ARHGEF11: variants seen among roughly 807,000 people sequenced by gnomAD.
ARHGEF11 encodes Rho guanine exchange factor (GEF) 11.
ARHGEF11 carries 55 observed loss-of-function variants against 193.7 expected under a neutral mutation model. The observed-to-expected ratio is 0.28, with a 90% confidence interval of 0.23 to 0.36. ARHGEF11 has a LOEUF of 0.36. Among genes scored for constraint, ARHGEF11 ranks in the 10% least tolerant of loss-of-function variants. The pLI is 1.00. For synonymous variants in ARHGEF11, 693 were observed against 768.0 expected (o/e 0.90, Z 1.62); for missense variants, 1,723 against 2,005.6 (o/e 0.86, Z 2.69).
intron 10 of ARHGEF11, 147 bp from the exon 11 acceptor site, chr1:156,968,271 CCCTTCATT>C: frequency 1.2e-6 from 1 of 832,046 alleles, no homozygotes; most frequent in Non-Finnish European, 1.8e-6. Context: ...TTATACTAAG[CCCTTCATT>C]ACACATTATC....
intron 1 of ARHGEF11, among the ~76,000 whole-genome samples, chr1:156,999,719 A>G (rs1666976208): frequency 6.6e-6 from 1 of 152,206 alleles, no homozygotes; most frequent in Admixed American, 6.5e-5. Context: ...AGCAGAACCT[A>G]GAACCTACAA....
At position 156,963,289 on chromosome 1, in the gene ARHGEF11, G is replaced by T; in HGVS notation, c.1054C>A (p.Gln352Lys). The T allele has an allele frequency of 6.2e-7, 1 of 1,614,080 alleles. No homozygotes were observed. The highest frequency in any genetic ancestry group is 8.5e-7 in the Non-Finnish European group (1 of 1,179,988). Reference sequence around the variant, plus strand: ...CGAGACTTCAGTTTCTCCAGATCCTGGAATATGATGTCGCTCTGGAAGGCA... The same window carrying T: ...CGAGACTTCAGTTTCTCCAGATCCTTGAATATGATGTCGCTCTGGAAGGCA... ...YFNNESDIIF[Q>K]DLEKLKSRPA... Residue 352 changes from glutamine (Q) to lysine (K), a missense_variant, in exon 13 of 41, where the codon CAG (glutamine) becomes AAG (lysine). Physicochemically the swap from Gln to Lys is moderately conservative, Grantham distance 53. Transcript: ENST00000368194.
At position 156,942,752 on chromosome 1, in the gene ARHGEF11, G is replaced by A. The variant is rs758117629; in HGVS notation, c.3264C>T (p.Thr1088=). 1.2e-6 allele frequency: 2 copies of A among 1,614,164 alleles called. No homozygotes were observed. Among genetic ancestry groups the A allele is most frequent in the South Asian group, 1.1e-5 (1 of 91,084 alleles). The change falls in exon 33 of 41, where the codon ACC becomes ACT. Residue 1088 remains threonine (T), a synonymous_variant. Transcript: ENST00000368194. ...TDKRAFFIIC[T]SKLGPPQIYE... is the part of the protein sequence containing the mutation. ...AGATCTGGGGTGGGCCCAGCTTGGA[G>A]GTGCAGATGATGAAGAAGGCCCGTT...
rs376903953 is a variant in ARHGEF11 at position 157,044,286 on chromosome 1, T to C, written c.32+13A>G. The C allele has an allele frequency of 6.2e-7, 1 of 1,612,898 alleles. No homozygotes were observed. The highest frequency in any genetic ancestry group is 8.5e-7 in the Non-Finnish European group (1 of 1,179,262). ...TAGTCAATGTTGAAAAATCAAATTA[T>C]TAGCAAACCTACCTGTCTATACTCT... On this transcript the variant is annotated intron_variant, in intron 1 of 40. Transcript: ENST00000368194.
chr1:156,936,315 G>T, intron 40 of ARHGEF11: 1 of 645,906 alleles, frequency 1.5e-6, no homozygotes. Flanking sequence ...GGCCCACCCA[G>T]TGTGGTTCTG....
intron 1 of ARHGEF11, among the ~76,000 whole-genome samples, chr1:157,027,437 T>C (rs1670784470): frequency 6.6e-6 from 1 of 151,874 alleles, no homozygotes; most frequent in Non-Finnish European, 1.5e-5. Context: ...TATTGACAGA[T>C]ACAGAGGCAC....
chr1:157,022,253 A>G (rs1050161950), intron 1 of ARHGEF11, among the ~76,000 whole-genome samples: 6 of 152,218 alleles, frequency 3.9e-5, no homozygotes, highest in African/African-American at 1.4e-4. Flanking sequence ...ATCTCTATAC[A>G]TGGAATGATC....
At chr1:156,955,925 G>A (rs1659878233) in intron 19 of ARHGEF11, 126 bp from the exon 20 acceptor site, 1 of 762,898 alleles carries the variant, frequency 1.3e-6, no homozygotes, top group African/African-American at 1.7e-5. Context: ...ACTCTTGCTG[G>A]TACCCTAACA....
At chr1:157,021,640 G>GA (rs1401046020) in intron 1 of ARHGEF11, among the ~76,000 whole-genome samples, 5 of 148,810 alleles carry the variant, frequency 3.4e-5, no homozygotes, top group African/African-American at 9.7e-5. Context: ...TAAAGCAGTG[G>GA]AAAAAAAGTT....
chr1:156,950,860 G>A (rs1402572761), intron 22 of ARHGEF11, among the ~76,000 whole-genome samples: 6 of 152,290 alleles, frequency 3.9e-5, no homozygotes, highest in Admixed American at 3.3e-4. Context: ...TGGTTTTTAA[G>A]TGTTGGCTAT....
At chr1:157,044,011 T>C (rs999199592) in intron 1 of ARHGEF11, among the ~76,000 whole-genome samples, 2 of 152,152 alleles carry the variant, frequency 1.3e-5, no homozygotes. Flanking sequence ...TGGACTCAAA[T>C]TCAGCCTCTA....
chr1:156,978,125 T>A lies in ARHGEF11; in HGVS notation c.510+79A>T, dbSNP rs1241106715. The A allele has an allele frequency of 4.4e-6, 7 of 1,576,846 alleles. No individual in the cohort carries two copies. The South Asian group carries it at 8.2e-5, about 18-fold the overall frequency. On this transcript the variant is annotated intron_variant, in intron 6 of 40. Coordinates refer to ENST00000368194, the MANE Select transcript of ARHGEF11 (RefSeq NM_198236.3). Reference sequence around the variant, plus strand: ...CTCTGTTTACCACAGCCCCACTGGATTTAACTTGCTTTCCTCCCCAATGCG... The same window carrying A: ...CTCTGTTTACCACAGCCCCACTGGAATTAACTTGCTTTCCTCCCCAATGCG...
chr1:156,976,891 CT>C, intron 7 of ARHGEF11, 91 bp downstream of exon 7: 1 of 1,160,400 alleles, frequency 8.6e-7, no homozygotes, highest in Non-Finnish European at 1.3e-6. Context: ...AGGATATTGC[CT>C]GTAAATTAAG....
rs1284503759 is a variant in ARHGEF11, at chr1:156,956,407, G to A, written c.1671+13C>T. 2.5e-6 allele frequency: 4 copies of A among 1,613,768 alleles called. No individual in the cohort carries two copies. The highest frequency in any genetic ancestry group is 1.7e-5 in the Admixed American group (1 of 59,984). ...TAGGATTACAGGCATGAGCCACCAT[G>A]CCCGGCCCTCACCTTCTTGGTCTTA... On this transcript the variant is annotated intron_variant, in intron 19 of 40. Transcript: ENST00000368194.
intron 3 of ARHGEF11, 69 bp from the exon 4 acceptor site, chr1:156,980,555 T>C (rs1663977896): frequency 6.7e-7 from 1 of 1,491,892 alleles, no homozygotes; most frequent in African/African-American, 1.4e-5. Context: ...AAGGTCCCTG[T>C]CAGATCACCT....
chr1:156,992,323 G>A (rs1195534489), intron 1 of ARHGEF11, among the ~76,000 whole-genome samples: 4 of 152,246 alleles, frequency 2.6e-5, no homozygotes, highest in South Asian at 2.1e-4. Context: ...AATGCAGCCC[G>A]CATTGGCGCA....
chr1:156,953,244 G>A (rs1393334894), intron 21 of ARHGEF11, among the ~76,000 whole-genome samples: 2 of 152,232 alleles, frequency 1.3e-5, no homozygotes, highest in Non-Finnish European at 2.9e-5. Context: ...AGCAGTTTGA[G>A]ACCAGGCTGG....
At chr1:156,976,559 A>T (rs528125246) in intron 7 of ARHGEF11, among the ~76,000 whole-genome samples, 106 of 152,258 alleles carry the variant, frequency 7.0e-4, no homozygotes, top group Non-Finnish European at 6.9e-4. Flanking sequence ...CCAGTAAATT[A>T]ATCTTCTTAC....
At chr1:156,938,777 G>T in intron 37 of ARHGEF11, 1 of 440,220 alleles carries the variant, frequency 2.3e-6, no homozygotes, top group Non-Finnish European at 4.0e-6. Flanking sequence ...AATGAAAAAT[G>T]CTGCTGGAAG....
Sources: allele counts gnomAD v4.1 joint callset (sites outside exome capture counted in the v4.1 genomes callset), GRCh38; gene constraint gnomAD v4.1.1; transcripts MANE v1.5; gene names NCBI Gene and HGNC (gene_info 2026-07-23, HGNC 2026-07-21).